Variants in KDM6A observed in about 807,000 individuals in gnomAD.
The protein encoded by KDM6A is lysine demethylase 6A, also known as lysine-specific demethylase 6A.
KDM6A carries 11 observed loss-of-function variants against 117.6 expected under a neutral mutation model. That is an observed-to-expected ratio of 0.09 (90% confidence interval 0.06 to 0.15). The LOEUF (loss-of-function observed/expected upper bound fraction) is 0.15, where lower values mean the gene tolerates loss of function less well. KDM6A is among the 10% of genes least tolerant of loss of function. KDM6A has a pLI of 1.00. For synonymous variants in KDM6A, 384 were observed against 396.1 expected (o/e 0.97, Z 0.36); for missense variants, 799 against 1,077.3 (o/e 0.74, Z 3.62).
chrX:44,939,075 A>G (rs2037144737), intron 2 of KDM6A, among the ~76,000 whole-genome samples: 1 of 112,558 alleles, frequency 8.9e-6, no homozygotes, highest in Non-Finnish European at 1.9e-5. Flanking sequence ...CTAACACAAC[A>G]TCCATTGTGC....
chrX:44,874,075 T>C (rs2031187228), intron 2 of KDM6A, 88 bp downstream of exon 2: 5 of 877,659 alleles, frequency 5.7e-6, no homozygotes, highest in African/African-American at 2.0e-5. Context: ...TCTGTGCTCA[T>C]TGTGGCCACG....
chrX:45,104,778 G>A (rs1196955032), intron 27 of KDM6A, among the ~76,000 whole-genome samples: 1 of 111,911 alleles, frequency 8.9e-6, no homozygotes, highest in Non-Finnish European at 1.9e-5. Flanking sequence ...TAATAGAACT[G>A]TCAGTTTTCT....
Position 45,082,388 on chromosome X carries a change from C to G in KDM6A, c.3301-188C>G, listed in dbSNP as rs113286395. 3 of 425,061 alleles carry G rather than the reference C, an allele frequency of 7.1e-6. No individual in the cohort carries two copies. The South Asian group carries it at 1.0e-4, about 15-fold the overall frequency. 35.0% of individuals were successfully genotyped at this position (425,061 alleles called of 1,213,427 possible). A position where few individuals can be genotyped will look rare whatever the true frequency, so the allele number is the denominator to read the frequency against. On this transcript the variant is annotated intron_variant, in intron 21 of 29. Transcript: ENST00000611820. ...GGCAGAGGTTGCAGTGAGCCGGGGT[C>G]GCACCACTGCACTCCAGCCTGGTCA... is the stretch of plus-strand genomic sequence containing the variant.
Position 45,084,030 on chromosome X carries a change from ATCTAT to A in KDM6A, c.3589+431_3589+435del, listed in dbSNP as rs770424874. ...GTTTTATTGAACAATACGTTTTCCA[ATCTAT>A]TCTATTCTGTTTCATTTAAAAAATA... On this transcript the variant is annotated intron_variant, in intron 24 of 29. Transcript: ENST00000611820. Among the ~76,000 whole-genome samples, 47 of 111,983 alleles carry A rather than the reference ATCTAT, an allele frequency of 4.2e-4. No homozygotes were observed. In the South Asian group the frequency reaches 7.8e-3, roughly 19 times the overall value.
intron 6 of KDM6A, among the ~76,000 whole-genome samples, chrX:45,027,548 AGG>A (rs2147725449): frequency 9.0e-6 from 1 of 111,136 alleles, no homozygotes; most frequent in South Asian, 3.8e-4. Flanking sequence ...CAATTTTCTT[AGG>A]GGATTAGAAA....
At chrX:45,027,908 C>G (rs778582752) in intron 6 of KDM6A, among the ~76,000 whole-genome samples, 1 of 109,834 alleles carries the variant, frequency 9.1e-6, no homozygotes, top group South Asian at 3.9e-4. Context: ...ATTCTCCTGT[C>G]TCAGCCTCCC....
Position 45,082,775 on chromosome X carries a change from A to G in KDM6A, c.3426A>G (p.Leu1142=). 8.5e-7 allele frequency: 1 copy of G among 1,182,102 alleles called. No individual in the cohort carries two copies. Among genetic ancestry groups the G allele is most frequent in the Non-Finnish European group, 1.2e-6 (1 of 869,098 alleles). Residue 1142 remains leucine (L), a synonymous_variant, in exon 23 of 30, where the codon CTA becomes CTG. Transcript: ENST00000611820. Reference sequence around the variant, plus strand: ...TAAAGTTTGGGACCAATATTGACCTATCTGATGACAAAAAGTAAGTCCTTG... The same window carrying G: ...TAAAGTTTGGGACCAATATTGACCTGTCTGATGACAAAAAGTAAGTCCTTG... ...KTIKFGTNID[L]SDDKKWKLQL...
intron 2 of KDM6A, among the ~76,000 whole-genome samples, chrX:44,878,756 C>T (rs1045534863): frequency 1.8e-5 from 2 of 110,438 alleles, no homozygotes; most frequent in Admixed American, 9.8e-5. Context: ...CAGTCTCACA[C>T]TATCCCCCAG....
intron 27 of KDM6A, among the ~76,000 whole-genome samples, chrX:45,094,354 G>A (rs930246650): frequency 1.8e-5 from 2 of 111,816 alleles, no homozygotes; most frequent in East Asian, 5.6e-4. Context: ...GCATTCTGGG[G>A]AAGAATGTAT....
chrX:44,936,989 G>T (rs1268457301), intron 2 of KDM6A, among the ~76,000 whole-genome samples: 2 of 111,412 alleles, frequency 1.8e-5, no homozygotes, highest in Non-Finnish European at 3.8e-5. Flanking sequence ...GAAGAGAAAG[G>T]TTTTGTTGAC....
chrX:44,892,685 C>T (rs2033469140), intron 2 of KDM6A, among the ~76,000 whole-genome samples: 1 of 107,698 alleles, frequency 9.3e-6, no homozygotes, highest in Non-Finnish European at 1.9e-5. Flanking sequence ...GAGCGAGACT[C>T]TGTCTCAAAC....
chrX:44,981,300 G>T (rs2039894709), intron 4 of KDM6A, among the ~76,000 whole-genome samples: 1 of 111,991 alleles, frequency 8.9e-6, no homozygotes, highest in Non-Finnish European at 1.9e-5. Context: ...GGGTTCCCAT[G>T]ACCCTCTCCT....
chrX:45,005,961 ACCCCCCCAC>A (rs1569516039), intron 4 of KDM6A, among the ~76,000 whole-genome samples: 11 of 14,128 alleles, frequency 7.8e-4, no homozygotes, highest in Non-Finnish European at 8.8e-4. Flanking sequence ...TCACCCCCCC[ACCCCCCCAC>A]CCCCCCCACC....
chrX:45,035,226 TAAAC>T (rs1276461004), intron 7 of KDM6A, among the ~76,000 whole-genome samples: 3 of 112,079 alleles, frequency 2.7e-5, no homozygotes, highest in Non-Finnish European at 5.6e-5. Context: ...TCTTCACTAA[TAAAC>T]AAGATTGATT....
rs761761072 is a variant in KDM6A, at chrX:44,920,477, C to T, written c.226-40807C>T. Among the ~76,000 whole-genome samples the T allele has an allele frequency of 2.1e-4, 23 of 107,819 alleles. No individual in the cohort carries two copies. The South Asian group carries it at 6.8e-3, about 32-fold the overall frequency. The allele number at this position is 107,819 out of a possible 115,157, so 93.6% of individuals were successfully genotyped here. A position where few individuals can be genotyped will look rare whatever the true frequency, so the allele number is the denominator to read the frequency against. On this transcript the variant is annotated intron_variant, in intron 2 of 29. Transcript: ENST00000611820. ...TTTTTGAGACGGAGTCTCGCTCTGT[C>T]GCCCAGGCTGGAGTGCAGTGGCGCA...
chrX:45,080,946 T>C (rs2045369130), intron 21 of KDM6A, among the ~76,000 whole-genome samples: 1 of 112,175 alleles, frequency 8.9e-6, no homozygotes, highest in African/African-American at 3.2e-5. Flanking sequence ...GTTGTTGTTT[T>C]TTTGAGACGG....
Position 45,078,390 on chromosome X carries a change from A to G in KDM6A, c.2989-10A>G, listed in dbSNP as rs1426869088. The G allele has an allele frequency of 5.0e-6, 6 of 1,199,356 alleles. No individual in the cohort carries two copies. Among genetic ancestry groups the G allele is most frequent in the Non-Finnish European group, 6.8e-6 (6 of 887,260 alleles). Reference sequence around the variant, plus strand: ...TTCCTGAGATCTAACCACATATTTTAATTTTACAGTTGGAAAATAAACGTG... The same window carrying G: ...TTCCTGAGATCTAACCACATATTTTGATTTTACAGTTGGAAAATAAACGTG... On this transcript the variant is annotated splice_polypyrimidine_tract_variant and intron_variant, in intron 19 of 29. Transcript: ENST00000611820.
At position 45,107,951 on chromosome X, in the gene KDM6A, G is replaced by A. The variant is rs191059652; in HGVS notation, c.4161+415G>A. ...CTTGTGTGGCCAAGGCTTGCAAGAGGTGCAGGAACAAAGATGTGGTGCCTC... is the reference window on the plus strand; with the variant it reads ...CTTGTGTGGCCAAGGCTTGCAAGAGATGCAGGAACAAAGATGTGGTGCCTC... On this transcript the variant is annotated intron_variant, in intron 28 of 29. Transcript: ENST00000611820. 6.3e-5 allele frequency among the ~76,000 whole-genome samples: 7 copies of A among 111,846 alleles called. No homozygotes were observed. In the East Asian group the frequency reaches 1.4e-3, roughly 22 times the overall value.
intron 3 of KDM6A, among the ~76,000 whole-genome samples, chrX:44,970,468 T>C (rs2039288095): frequency 9.0e-6 from 1 of 111,597 alleles, no homozygotes; most frequent in African/African-American, 3.3e-5. Flanking sequence ...GGACTTCTTA[T>C]ACTTCAGTTT....
Sources: allele counts gnomAD v4.1 joint callset (sites outside exome capture counted in the v4.1 genomes callset), GRCh38; gene constraint gnomAD v4.1.1; transcripts MANE v1.5; gene names NCBI Gene and HGNC (gene_info 2026-07-23, HGNC 2026-07-21).